Variants in TRAP1 observed in about 807,000 individuals in gnomAD.
TRAP1 encodes heat shock protein 75 kDa, mitochondrial.
TRAP1 carries 102 observed loss-of-function variants against 89.1 expected under a neutral mutation model. The observed-to-expected ratio is 1.15, with a 90% CI of 0.98 to 1.35. The LOEUF (loss-of-function observed/expected upper bound fraction) is 1.35. TRAP1 is among the 40% of genes most tolerant of loss of function. The pLI, the probability that TRAP1 is intolerant of heterozygous loss-of-function variation, is 0.00. For missense variants in TRAP1, 1,256 were observed against 945.3 expected (o/e 1.33, Z -4.31); for synonymous variants, 508 against 388.0 (o/e 1.31, Z -3.64).
At chr16:3,659,013 A>C in intron 16 of TRAP1, 148 bp from the exon 17 acceptor site, 1 of 762,178 alleles carries the variant, frequency 1.3e-6, no homozygotes, top group East Asian at 2.8e-5. Flanking sequence ...TCATTTATAG[A>C]TAATATCATT....
chr16:3,658,896 C>T, intron 16 of TRAP1, 31 bp from the exon 17 acceptor site: 14 of 1,611,776 alleles, frequency 8.7e-6, no homozygotes, highest in Non-Finnish European at 1.1e-5. Context: ...GAAAAAGCAG[C>T]TCAGTACCAC....
At position 3,690,839 on chromosome 16, in the gene TRAP1, C is replaced by G; in HGVS notation, c.235G>C (p.Glu79Gln). 1 of 1,522,004 alleles carries G rather than the reference C, an allele frequency of 6.6e-7. No individual in the cohort carries two copies. The highest frequency in any genetic ancestry group is 8.8e-7 in the Non-Finnish European group (1 of 1,132,298). 94.3% of individuals were successfully genotyped at this position (1,522,004 alleles called of 1,614,324 possible). Residue 79 changes from glutamate (E) to glutamine (Q), a missense_variant, in exon 2 of 18, where the codon GAG becomes CAG. Glu to Gln is a conservative substitution (Grantham distance 29, BLOSUM62 2). Transcript: ENST00000246957. Reference protein sequence around the residue: ...EPLHSIISSTESVQGSTSKHE... With the variant: ...EPLHSIISSTQSVQGSTSKHE... ...GAGCCAAGGCTACCCTGCACGCTCT[C>G]TGTGCTGCTGATAATCGAGTGCAGG... is the stretch of plus-strand genomic sequence containing the variant.
intron 9 of TRAP1, among the ~76,000 whole-genome samples, chr16:3,673,659 C>G (rs1206205340): frequency 2.0e-5 from 3 of 152,208 alleles, no homozygotes. Flanking sequence ...GGAGGCCACA[C>G]CTGGCTGGCT....
At chr16:3,679,105 C>A (rs925938815) in intron 5 of TRAP1, among the ~76,000 whole-genome samples, 14 of 152,054 alleles carry the variant, frequency 9.2e-5, no homozygotes, top group African/African-American at 3.4e-4. Flanking sequence ...GCCCGGCCAA[C>A]ATGGTGAAAC....
At chr16:3,675,519 A>G (rs577645201) in intron 7 of TRAP1, 122 bp from the exon 8 acceptor site, 2 of 888,258 alleles carry the variant, frequency 2.3e-6, no homozygotes, top group Middle Eastern at 2.9e-4. Context: ...TGTACACTTC[A>G]CAGGTACAGA....
intron 1 of TRAP1, among the ~76,000 whole-genome samples, chr16:3,702,383 G>T (rs1198766086): frequency 1.3e-5 from 2 of 151,804 alleles, no homozygotes; most frequent in Non-Finnish European, 2.9e-5. Flanking sequence ...GGGCCACTGT[G>T]CTGCTTCACA....
At chr16:3,659,020 CATT>C in intron 16 of TRAP1, 155 bp from the exon 17 acceptor site, 4 of 719,980 alleles carry the variant, frequency 5.6e-6, no homozygotes, top group Admixed American at 3.1e-5. Context: ...TAGATAATAT[CATT>C]ATATACCCAG....
At chr16:3,698,453 C>T (rs565296391) in intron 1 of TRAP1, among the ~76,000 whole-genome samples, 1 of 151,864 alleles carries the variant, frequency 6.6e-6, no homozygotes. Context: ...CAGGCGCCCG[C>T]CACCATGCCC....
chr16:3,697,431 G>A (rs940047198), intron 1 of TRAP1, among the ~76,000 whole-genome samples: 3 of 152,110 alleles, frequency 2.0e-5, no homozygotes, highest in South Asian at 2.1e-4. Context: ...TTGGGAGGCC[G>A]AGGCGGGAGG....
chr16:3,694,652 A>C (rs190191516), intron 1 of TRAP1, among the ~76,000 whole-genome samples: 7 of 152,240 alleles, frequency 4.6e-5, no homozygotes, highest in Admixed American at 3.9e-4. Context: ...TTTAAAAAAG[A>C]ATAAAAATAG....
In TRAP1 at chr16:3,690,586, G is replaced by C. The variant is rs944661904; in HGVS notation, c.247+241C>G. ...AGATGTGCCATGAATCACCACTCAG[G>C]GGAGGTGCCGGACGGCAAACTCACG... On this transcript the variant is annotated intron_variant, in intron 2 of 17. Coordinates refer to ENST00000246957, the MANE Select transcript of TRAP1 (RefSeq NM_016292.3). Among the ~76,000 whole-genome samples the C allele has an allele frequency of 5.3e-5, 8 of 152,096 alleles. No individual in the cohort carries two copies. In the East Asian group the frequency reaches 1.4e-3, roughly 26 times the overall value.
chr16:3,696,051 G>C (rs2051282977), intron 1 of TRAP1, among the ~76,000 whole-genome samples: 1 of 152,168 alleles, frequency 6.6e-6, no homozygotes, highest in African/African-American at 2.4e-5. Flanking sequence ...ACAGGGCCCA[G>C]GCGCGATGAC....
At chr16:3,664,658 G>A (rs1278533889) in intron 12 of TRAP1, 199 bp from the exon 13 acceptor site, 5 of 586,802 alleles carry the variant, frequency 8.5e-6, no homozygotes, top group Non-Finnish European at 1.4e-5. Context: ...GGAGCTCTGG[G>A]GGCTTAGGAA....
chr16:3,674,795 CA>C, intron 8 of TRAP1: 1 of 455,832 alleles, frequency 2.2e-6, no homozygotes, highest in South Asian at 2.4e-5. Context: ...CTGACGAATA[CA>C]GTGTGGGCCG....
chr16:3,710,879 A>ATATATATATATATTTTT (rs71133652), intron 1 of TRAP1, among the ~76,000 whole-genome samples: 7 of 125,800 alleles, frequency 5.6e-5, no homozygotes, highest in South Asian at 2.5e-4. Flanking sequence ...ATATATATAT[A>ATATATATATATATTTTT]TTTTTTTTTT....
rs567628108 is a variant in TRAP1, at chr16:3,690,701, A to C, written c.247+126T>G. 8.6e-4 allele frequency: 910 copies of C among 1,062,236 alleles called. 24 individuals carry two copies. In the South Asian group the frequency reaches 0.028, roughly 33 times the overall value. The allele number at this position is 1,062,236 out of a possible 1,614,324, so 65.8% of individuals were successfully genotyped here. On this transcript the variant is annotated intron_variant, in intron 2 of 17. Transcript: ENST00000246957. ...GGAGGGCGCAGCACTCCCTACAGCC[A>C]AGACCTTCTGATTTCACACCTAAGG...
At chr16:3,691,978 C>G (rs756002844) in intron 1 of TRAP1, among the ~76,000 whole-genome samples, 4 of 152,136 alleles carry the variant, frequency 2.6e-5, no homozygotes, top group Non-Finnish European at 5.9e-5. Context: ...GGCCCAGAAA[C>G]CAGACACTTT....
At chr16:3,658,589 C>T (rs985065024) in intron 17 of TRAP1, 8 of 592,644 alleles carry the variant, frequency 1.3e-5, no homozygotes, top group African/African-American at 1.9e-5. Flanking sequence ...AGGGGAATTG[C>T]TTGAACCCGG....
At chr16:3,712,980 C>T (rs3025674) in intron 1 of TRAP1, among the ~76,000 whole-genome samples, 2,008 of 152,278 alleles carry the variant, frequency 0.013, 33 homozygotes, top group South Asian at 0.05. Context: ...GCTGAAGGTC[C>T]TCCTGGTGGC....
Sources: gnomAD v4.1 joint callset for allele counts (sites outside exome capture counted in the v4.1 genomes callset) on GRCh38, gnomAD v4.1.1 for gene constraint, MANE v1.5 for transcripts, NCBI Gene and HGNC (gene_info 2026-07-23, HGNC 2026-07-21) for gene names.